Variants in PARD3B observed in about 807,000 individuals in gnomAD.
The protein encoded by PARD3B is par-3 family cell polarity regulator beta, also known as partitioning defective 3 homolog B.
Under a neutral mutation model 130.2 loss-of-function variants are expected in PARD3B, and 103 were observed. That is an observed-to-expected ratio of 0.79 (90% CI 0.67 to 0.93). PARD3B has a LOEUF of 0.93. Among genes scored for constraint, PARD3B ranks in the 40% least tolerant of loss-of-function variants. PARD3B has a pLI of 0.00. For synonymous variants in PARD3B, 583 were observed against 553.2 expected (o/e 1.05, Z -0.76); for missense variants, 1,609 against 1,499.2 (o/e 1.07, Z -1.21).
At chr2:205,336,706 A>C (rs1023869851) in intron 18 of PARD3B, among the ~76,000 whole-genome samples, 1 of 152,232 alleles carries the variant, frequency 6.6e-6, no homozygotes, top group Admixed American at 6.5e-5. Context: ...TTTCTAATGG[A>C]AAAGGTAAAC....
rs545905221 is a variant in PARD3B, at chr2:205,287,618, T to G, written c.2186-12912T>G. Among the ~76,000 whole-genome samples the G allele has an allele frequency of 1.3e-5, 2 of 152,090 alleles. No homozygotes were observed. The highest frequency in any genetic ancestry group is 3.9e-4 in the East Asian group (2 of 5,160). On this transcript the variant is annotated intron_variant, in intron 16 of 22. Coordinates refer to ENST00000406610, the MANE Select transcript of PARD3B (RefSeq NM_001302769.2). The surrounding 1 kb of genome is among the most constrained non-coding windows in gnomAD (Gnocchi z 4.8). ...GGGTCGTAGGCACACTGAATGAGAG[T>G]TGAGGAGGCATAGTACACCAAGGAA...
intron 1 of PARD3B, among the ~76,000 whole-genome samples, chr2:204,641,906 GA>G (rs35013600): frequency 6.6e-6 from 1 of 151,902 alleles, no homozygotes. Flanking sequence ...TGTAGAACCT[GA>G]AAAAGGAAAC....
At chr2:204,746,000 C>G (rs1238384856) in intron 2 of PARD3B, among the ~76,000 whole-genome samples, 2 of 148,392 alleles carry the variant, frequency 1.3e-5, no homozygotes, top group Non-Finnish European at 3.0e-5. Context: ...TTTTATTATA[C>G]TTTAAGTTCT....
chr2:205,091,856 C>T lies in PARD3B; in HGVS notation c.505-12570C>T, dbSNP rs1354112535. 2.6e-5 allele frequency among the ~76,000 whole-genome samples: 4 copies of T among 152,126 alleles called. No homozygotes were observed. Among genetic ancestry groups the T allele is most frequent in the Admixed American group, 2.0e-4 (3 of 15,274 alleles). ...AGAGCAAAAAGTGTATACATTTTTT[C>T]ATCTCTGTATCTCCAGTGCTTAGCA... On this transcript the variant is annotated intron_variant, in intron 4 of 22. Transcript: ENST00000406610. This position sits in a 1 kb window ranked among gnomAD's most constrained non-coding sequence, Gnocchi z 4.2.
At chr2:205,102,141 C>T (rs558580582) in intron 4 of PARD3B, among the ~76,000 whole-genome samples, 45 of 152,154 alleles carry the variant, frequency 3.0e-4, no homozygotes, top group East Asian at 9.7e-4. Context: ...ACCCTAGAAC[C>T]GCCTAGCTAA....
chr2:204,875,526 A>G (rs1008517886), intron 2 of PARD3B, among the ~76,000 whole-genome samples: 1 of 152,174 alleles, frequency 6.6e-6, no homozygotes, highest in South Asian at 2.1e-4. Flanking sequence ...GAGATTCTGT[A>G]TTTCCAACCA....
At chr2:204,778,861 G>A (rs772032045) in intron 2 of PARD3B, among the ~76,000 whole-genome samples, 13 of 152,054 alleles carry the variant, frequency 8.5e-5, no homozygotes, top group East Asian at 5.8e-4. Context: ...GCGTACGTCC[G>A]ATCATGTTAC....
intron 3 of PARD3B, among the ~76,000 whole-genome samples, chr2:205,044,196 AG>A (rs1403995917): frequency 6.6e-6 from 1 of 151,384 alleles, no homozygotes; most frequent in Non-Finnish European, 1.5e-5. Flanking sequence ...TTCTTAATCC[AG>A]TCTATCATTG....
intron 4 of PARD3B, among the ~76,000 whole-genome samples, chr2:205,074,725 T>C (rs1199827125): frequency 6.6e-6 from 1 of 152,168 alleles, no homozygotes; most frequent in Admixed American, 6.5e-5. Context: ...TTTTCTTTAG[T>C]CTGTAAATGG....
chr2:205,543,157 G>A (rs1455186731), intron 21 of PARD3B, among the ~76,000 whole-genome samples: 1 of 152,088 alleles, frequency 6.6e-6, no homozygotes, highest in East Asian at 1.9e-4. Flanking sequence ...GCCAAAAGGA[G>A]GCATTGTGTT....
intron 4 of PARD3B, among the ~76,000 whole-genome samples, chr2:205,094,611 G>A (rs1253036932): frequency 2.6e-5 from 4 of 151,898 alleles, no homozygotes; most frequent in Admixed American, 1.3e-4. Context: ...CTATGGAATT[G>A]GTCTGTGGAT....
intron 11 of PARD3B, among the ~76,000 whole-genome samples, chr2:205,162,552 A>G (rs932786227): frequency 6.6e-6 from 1 of 152,246 alleles, no homozygotes; most frequent in Non-Finnish European, 1.5e-5. Flanking sequence ...CATACAGTGT[A>G]GTTGCTTCTA....
In PARD3B at chr2:205,203,542, T is replaced by A. The variant is rs1258919171; in HGVS notation, c.2140+10222T>A. Among the ~76,000 whole-genome samples the A allele has an allele frequency of 7.9e-5, 12 of 152,226 alleles. No individual in the cohort carries two copies. The South Asian group carries it at 2.5e-3, about 32-fold the overall frequency. On this transcript the variant is annotated intron_variant, in intron 15 of 22. Transcript: ENST00000406610. The stretch of plus-strand genomic sequence containing the variant: ...ATAGGCACACACGTGCCATGGTGGT[T>A]TGCTCACCCATCAACCCATCATCTA...
intron 21 of PARD3B, among the ~76,000 whole-genome samples, chr2:205,546,423 C>T (rs890684618): frequency 2.0e-5 from 3 of 151,854 alleles, no homozygotes; most frequent in Non-Finnish European, 4.4e-5. Flanking sequence ...AAAAAAAAAC[C>T]TGCATGATAC....
At position 205,589,547 on chromosome 2, in the gene PARD3B, C is replaced by T. The variant is rs1358180956; in HGVS notation, c.3261-25909C>T. Among the ~76,000 whole-genome samples the T allele has an allele frequency of 6.6e-6, 1 of 152,150 alleles. No homozygotes were observed. Among genetic ancestry groups the T allele is most frequent in the East Asian group, 1.9e-4 (1 of 5,190 alleles). Reference sequence around the variant, plus strand: ...AGGAGCAGGCTGGAAGAGATGGGCACAGTGGAAGTCATTTTGGTACCTTCC... The same window carrying T: ...AGGAGCAGGCTGGAAGAGATGGGCATAGTGGAAGTCATTTTGGTACCTTCC... On this transcript the variant is annotated intron_variant, in intron 22 of 22. Coordinates refer to ENST00000406610, the MANE Select transcript of PARD3B (RefSeq NM_001302769.2). This position sits in a 1 kb window ranked among gnomAD's most constrained non-coding sequence, Gnocchi z 4.1.
intron 18 of PARD3B, among the ~76,000 whole-genome samples, chr2:205,362,926 T>C (rs2044446342): frequency 6.6e-6 from 1 of 152,116 alleles, no homozygotes; most frequent in South Asian, 2.1e-4. Context: ...ACCACATTTA[T>C]GACAGCGTTA....
intron 3 of PARD3B, among the ~76,000 whole-genome samples, chr2:205,013,037 G>A (rs964565154): frequency 6.6e-6 from 1 of 152,154 alleles, no homozygotes; most frequent in Admixed American, 6.5e-5. Context: ...AATCTACGTA[G>A]CGTTTCCTAG....
chr2:204,556,268 C>G (rs2030916396), intron 1 of PARD3B, among the ~76,000 whole-genome samples: 1 of 152,114 alleles, frequency 6.6e-6, no homozygotes, highest in Non-Finnish European at 1.5e-5. Flanking sequence ...TGGGGGAAGT[C>G]TCTGTGTGAT....
intron 1 of PARD3B, among the ~76,000 whole-genome samples, chr2:204,567,067 C>T (rs745945280): frequency 6.6e-6 from 1 of 152,032 alleles, no homozygotes; most frequent in Non-Finnish European, 1.5e-5. Flanking sequence ...TTAGTAGAGA[C>T]GGGGTTTCAT....
Sources: allele counts gnomAD v4.1 joint callset (sites outside exome capture counted in the v4.1 genomes callset), GRCh38; gene constraint gnomAD v4.1.1; non-coding constraint Gnocchi (gnomAD v3.1); transcripts MANE v1.5; gene names NCBI Gene and HGNC (gene_info 2026-07-23, HGNC 2026-07-21).